Variants in NDST3 observed in about 807,000 individuals in gnomAD.
NDST3 encodes N-deacetylase and N-sulfotransferase 3.
A neutral mutation model predicts 96.1 loss-of-function variants in NDST3; 58 were observed. The observed-to-expected ratio is 0.60, with a 90% CI of 0.49 to 0.75. The LOEUF (loss-of-function observed/expected upper bound fraction) is 0.75, where lower values mean the gene tolerates loss of function less well. Among genes scored for constraint, NDST3 ranks in the 30% least tolerant of loss-of-function variants. The probability of loss-of-function intolerance (pLI) is 0.00; values close to 1 mark genes in which losing one functional copy is unlikely to be tolerated. For missense variants in NDST3, 788 were observed against 1,034.2 expected (o/e 0.76, Z 3.27); for synonymous variants, 333 against 359.7 (o/e 0.93, Z 0.84).
At chr4:118,227,237 T>C (rs1236778978) in intron 8 of NDST3, among the ~76,000 whole-genome samples, 1 of 89,814 alleles carries the variant, frequency 1.1e-5, no homozygotes, top group Admixed American at 1.5e-4. Flanking sequence ...GTTTTTTTTT[T>C]TCCCCCCCAA....
At chr4:118,132,857 C>T (rs1732750424) in intron 4 of NDST3, among the ~76,000 whole-genome samples, 1 of 152,152 alleles carries the variant, frequency 6.6e-6, no homozygotes, top group Admixed American at 6.5e-5. Flanking sequence ...AATATTCTCT[C>T]CAGGAGCTAG....
At chr4:118,080,297 C>T (rs976798168) in intron 2 of NDST3, among the ~76,000 whole-genome samples, 6 of 151,752 alleles carry the variant, frequency 4.0e-5, no homozygotes, top group African/African-American at 1.2e-4. Context: ...ATAGGGTATT[C>T]GAGTCTAGAG....
chr4:118,236,330 C>A (rs1220389509), intron 9 of NDST3, among the ~76,000 whole-genome samples: 1 of 152,198 alleles, frequency 6.6e-6, no homozygotes, highest in East Asian at 1.9e-4. Context: ...GTGCTTGAAC[C>A]TATAGATATC....
At chr4:118,048,309 C>T (rs936217601) in intron 1 of NDST3, among the ~76,000 whole-genome samples, 2 of 152,064 alleles carry the variant, frequency 1.3e-5, no homozygotes, top group Non-Finnish European at 1.5e-5. Context: ...CTATAATCCA[C>T]CTAGACAATC....
chr4:118,035,307 T>A (rs937425386), intron 1 of NDST3, among the ~76,000 whole-genome samples: 2 of 152,154 alleles, frequency 1.3e-5, no homozygotes, highest in African/African-American at 4.8e-5. Context: ...CAACATGTAA[T>A]CTGGAAGAGT....
chr4:118,076,106 A>G (rs1235952083), intron 2 of NDST3, among the ~76,000 whole-genome samples: 1 of 152,122 alleles, frequency 6.6e-6, no homozygotes, highest in East Asian at 1.9e-4. Flanking sequence ...CTTTTCTTTA[A>G]GAATACTGAA....
At chr4:118,082,596 C>T (rs1305369205) in intron 2 of NDST3, among the ~76,000 whole-genome samples, 3 of 152,104 alleles carry the variant, frequency 2.0e-5, no homozygotes, top group African/African-American at 7.2e-5. Flanking sequence ...GCAAAATAAA[C>T]AAAATTGTTC....
At chr4:118,089,822 T>G (rs141640148) in intron 2 of NDST3, among the ~76,000 whole-genome samples, 1 of 151,968 alleles carries the variant, frequency 6.6e-6, no homozygotes, top group African/African-American at 2.4e-5. Context: ...TTATTCATCC[T>G]GAGCAGATGA....
intron 3 of NDST3, among the ~76,000 whole-genome samples, chr4:118,110,638 TTAAA>T (rs1430200676): frequency 1.3e-5 from 2 of 152,124 alleles, no homozygotes; most frequent in African/African-American, 4.8e-5. Context: ...GAGAAGTTAT[TTAAA>T]TAAATATATT....
chr4:118,078,705 C>T (rs912355077), intron 2 of NDST3, among the ~76,000 whole-genome samples: 6 of 149,036 alleles, frequency 4.0e-5, no homozygotes, highest in Non-Finnish European at 7.4e-5. Flanking sequence ...GCCAAGACTG[C>T]ACCATTGCAC....
chr4:118,075,022 G>A (rs765983123), intron 2 of NDST3, among the ~76,000 whole-genome samples: 2 of 151,986 alleles, frequency 1.3e-5, no homozygotes, highest in Non-Finnish European at 2.9e-5. Context: ...ATTTACATTA[G>A]GTATTTCTCT....
At chr4:118,072,184 T>C (rs1324330204) in intron 2 of NDST3, among the ~76,000 whole-genome samples, 1 of 152,134 alleles carries the variant, frequency 6.6e-6, no homozygotes, top group Non-Finnish European at 1.5e-5. Flanking sequence ...CTTTGTTCTT[T>C]TTGCTTAGGA....
chr4:118,093,243 G>A (rs1044774794), intron 2 of NDST3, among the ~76,000 whole-genome samples: 2 of 151,484 alleles, frequency 1.3e-5, no homozygotes, highest in African/African-American at 2.4e-5. Flanking sequence ...TATGTTTATC[G>A]CTTCACAGAA....
chr4:118,140,685 G>C (rs945239236), intron 5 of NDST3, among the ~76,000 whole-genome samples: 6 of 152,156 alleles, frequency 3.9e-5, no homozygotes, highest in African/African-American at 1.4e-4. Context: ...AAGGCAAAGG[G>C]GAAGCAAAGC....
At chr4:118,131,375 A>C (rs2125889325) in intron 4 of NDST3, among the ~76,000 whole-genome samples, 1 of 152,120 alleles carries the variant, frequency 6.6e-6, no homozygotes, top group South Asian at 2.1e-4. Context: ...TCTGCTATTA[A>C]GTGACTCTGA....
intron 6 of NDST3, among the ~76,000 whole-genome samples, chr4:118,213,358 T>C (rs554513735): frequency 6.6e-6 from 1 of 152,318 alleles, no homozygotes; most frequent in South Asian, 2.1e-4. Context: ...ATACTAGCCT[T>C]TAAAATATGC....
intron 5 of NDST3, among the ~76,000 whole-genome samples, chr4:118,141,338 C>T (rs576863278): frequency 1.3e-5 from 2 of 152,222 alleles, no homozygotes; most frequent in East Asian, 3.9e-4. Flanking sequence ...GCTCATCATT[C>T]GGTGCCACTG....
intron 4 of NDST3, among the ~76,000 whole-genome samples, chr4:118,122,011 C>T (rs1344553802): frequency 6.6e-6 from 1 of 152,178 alleles, no homozygotes. Flanking sequence ...AAGAATTCCT[C>T]AATTCCTTTC....
At chr4:118,137,875 T>C (rs996440414) in intron 4 of NDST3, among the ~76,000 whole-genome samples, 179 bp from the exon 5 acceptor site, 1 of 152,156 alleles carries the variant, frequency 6.6e-6, no homozygotes. Flanking sequence ...ACTGGTGAAA[T>C]GGCTAACAGG....
Sources: gnomAD v4.1 joint callset for allele counts (sites outside exome capture counted in the v4.1 genomes callset) on GRCh38, gnomAD v4.1.1 for gene constraint, MANE v1.5 for transcripts, NCBI Gene and HGNC (gene_info 2026-07-23, HGNC 2026-07-21) for gene names.